Variants in LRP1B observed in about 807,000 individuals in gnomAD.
LRP1B encodes the protein LDL receptor related protein 1B, also known as low-density lipoprotein receptor-related protein 1B.
Under a neutral mutation model 556.6 loss-of-function variants are expected in LRP1B, and 217 were observed. That is an observed-to-expected ratio of 0.39 (90% CI 0.35 to 0.44). The LOEUF (loss-of-function observed/expected upper bound fraction) is 0.44, where lower values mean the gene tolerates loss of function less well. Ranked by LOEUF, LRP1B falls within the 20% of genes least tolerant of loss-of-function variation. The pLI, the probability that LRP1B is intolerant of heterozygous loss-of-function variation, is 1.00. For missense variants in LRP1B, 5,053 were observed against 5,620.8 expected, an observed-to-expected ratio of 0.90 and a Z score of 3.23; for synonymous variants, 2,047 against 1,865.8, an observed-to-expected ratio of 1.10 and a Z score of -2.50.
rs574241662 is a variant in LRP1B, at chr2:141,235,994, C to T, written c.593-6554G>A. Among the ~76,000 whole-genome samples the T allele has an allele frequency of 5.9e-5, 9 of 152,052 alleles. No individual in the cohort carries two copies. In the East Asian group the frequency reaches 1.4e-3, roughly 23 times the overall value. ...GAAGCCAGTGTTAATTTTAGAAATACAGTATAATGTGATCAAAACTATGCT... is the reference window on the plus strand; with the variant it reads ...GAAGCCAGTGTTAATTTTAGAAATATAGTATAATGTGATCAAAACTATGCT... On this transcript the variant is annotated intron_variant, in intron 5 of 90. Coordinates refer to ENST00000389484, the MANE Select transcript of LRP1B (RefSeq NM_018557.3).
chr2:141,366,051 G>A (rs1024935630), intron 3 of LRP1B, among the ~76,000 whole-genome samples: 1 of 152,152 alleles, frequency 6.6e-6, no homozygotes, highest in African/African-American at 2.4e-5. Context: ...ATTATTTTAA[G>A]TTGATGAATA....
intron 43 of LRP1B, among the ~76,000 whole-genome samples, chr2:140,569,375 T>G (rs1005878228): frequency 6.6e-6 from 1 of 151,838 alleles, no homozygotes; most frequent in Non-Finnish European, 1.5e-5. Flanking sequence ...AAAGAAGATA[T>G]TCCACGCAAA....
chr2:142,095,640 C>T (rs956989034), intron 1 of LRP1B, among the ~76,000 whole-genome samples: 1 of 151,716 alleles, frequency 6.6e-6, no homozygotes, highest in African/African-American at 2.4e-5. Context: ...CCAGTGGCTT[C>T]TAAGTTTATT....
intron 83 of LRP1B, among the ~76,000 whole-genome samples, chr2:140,298,384 C>G (rs539803467): frequency 6.6e-6 from 1 of 152,258 alleles, no homozygotes; most frequent in South Asian, 2.1e-4. Flanking sequence ...CAAACATCAT[C>G]TACCAACCAC....
chr2:140,429,780 C>T (rs547089122), intron 66 of LRP1B, among the ~76,000 whole-genome samples: 36 of 152,268 alleles, frequency 2.4e-4, no homozygotes, highest in African/African-American at 3.4e-4. Context: ...ATCATGTCTC[C>T]GTGCAGTGGC....
At chr2:140,487,385 T>G (rs1688512776) in intron 58 of LRP1B, among the ~76,000 whole-genome samples, 1 of 151,942 alleles carries the variant, frequency 6.6e-6, no homozygotes. Context: ...CCATATTTTA[T>G]TTACTCAATT....
Position 140,982,279 on chromosome 2 carries a change from A to G in LRP1B, c.2771-3T>C, listed in dbSNP as rs1223116615. The G allele has an allele frequency of 6.3e-7, 1 of 1,596,430 alleles. No homozygotes were observed. The highest frequency in any genetic ancestry group is 8.6e-7 in the Non-Finnish European group (1 of 1,164,886). The stretch of plus-strand genomic sequence containing the variant: ...CTGGTCTACCTGGCATGTTCTGGCT[A>G]TGATGATCAATTAATAAACAAAAAA... On this transcript the variant is annotated splice_polypyrimidine_tract_variant and splice_region_variant and intron_variant, in intron 17 of 90. Transcript: ENST00000389484.
chr2:140,560,951 G>A (rs986799119), intron 43 of LRP1B, among the ~76,000 whole-genome samples: 1 of 152,078 alleles, frequency 6.6e-6, no homozygotes, highest in Non-Finnish European at 1.5e-5. Flanking sequence ...AGATAAATGG[G>A]GATTTAGTGG....
intron 3 of LRP1B, among the ~76,000 whole-genome samples, chr2:141,435,561 C>T (rs1218603982): frequency 2.0e-5 from 3 of 152,194 alleles, no homozygotes; most frequent in Non-Finnish European, 4.4e-5. Context: ...TTATAACTTA[C>T]CTTTCCCCTC....
intron 41 of LRP1B, among the ~76,000 whole-genome samples, chr2:140,666,415 T>C (rs1393803678): frequency 2.0e-5 from 3 of 152,054 alleles, no homozygotes; most frequent in African/African-American, 7.2e-5. Context: ...AAGAAAATTT[T>C]AATAACCAGT....
intron 1 of LRP1B, among the ~76,000 whole-genome samples, chr2:141,994,598 G>A (rs533617990): frequency 2.0e-5 from 3 of 152,058 alleles, no homozygotes; most frequent in Non-Finnish European, 2.9e-5. Flanking sequence ...GGAAAGGAAT[G>A]GTGAGTGCAA....
At position 140,601,465 on chromosome 2, in the gene LRP1B, A is replaced by G; in HGVS notation, c.6974T>C (p.Leu2325Ser). 6.2e-7 allele frequency: 1 copy of G among 1,610,976 alleles called. No individual in the cohort carries two copies. Among genetic ancestry groups the G allele is most frequent in the Non-Finnish European group, 8.5e-7 (1 of 1,178,036 alleles). Residue 2325 changes from leucine to serine, a missense_variant, in exon 42 of 91, where the codon TTG (leucine) becomes TCG (serine). This residue lies in a region of LRP1B where 3,619 missense variants were observed against 3,931.9 expected (regional missense o/e 0.92). Transcript: ENST00000389484. ...TGTTTCTTACTTTTGACATTCATCCAAGGCTAGCACATGTGGATGGTCATC... is the reference window on the plus strand; with the variant it reads ...TGTTTCTTACTTTTGACATTCATCCGAGGCTAGCACATGTGGATGGTCATC... ...SEDDHPHVLA[L>S]DECQNLMFWT...
chr2:142,040,761 A>C (rs1559038279), intron 1 of LRP1B, among the ~76,000 whole-genome samples: 1 of 151,390 alleles, frequency 6.6e-6, no homozygotes, highest in Non-Finnish European at 1.5e-5. Context: ...TTTTCAAAGG[A>C]AATGGAAGAC....
At chr2:141,417,201 TA>T (rs1242160455) in intron 3 of LRP1B, among the ~76,000 whole-genome samples, 10 of 152,228 alleles carry the variant, frequency 6.6e-5, no homozygotes, top group Admixed American at 5.9e-4. Context: ...TTTGCCAATT[TA>T]AAAATGATCT....
chr2:140,246,142 G>A (rs2104896881), intron 87 of LRP1B, among the ~76,000 whole-genome samples: 1 of 151,336 alleles, frequency 6.6e-6, no homozygotes, highest in Non-Finnish European at 1.5e-5. Flanking sequence ...GTACAAAAAT[G>A]TTATATTTTA....
intron 35 of LRP1B, among the ~76,000 whole-genome samples, chr2:140,760,254 C>T (rs139865423): frequency 1.3e-5 from 2 of 152,270 alleles, no homozygotes; most frequent in East Asian, 3.9e-4. Context: ...GGTTTCTTGA[C>T]CTTAGCACTA....
chr2:141,901,781 CCA>C (rs1289513465), intron 1 of LRP1B, among the ~76,000 whole-genome samples: 1 of 151,714 alleles, frequency 6.6e-6, no homozygotes, highest in African/African-American at 2.4e-5. Flanking sequence ...GAAGTAGGCC[CCA>C]CTTCTACAGA....
At chr2:141,743,084 C>T (rs570825217) in intron 2 of LRP1B, among the ~76,000 whole-genome samples, 1 of 151,886 alleles carries the variant, frequency 6.6e-6, no homozygotes, top group African/African-American at 2.4e-5. Flanking sequence ...ACTGTGGATG[C>T]CCCTTATTTC....
chr2:141,448,442 T>G (rs1259709545), intron 3 of LRP1B, among the ~76,000 whole-genome samples: 1 of 152,190 alleles, frequency 6.6e-6, no homozygotes, highest in Non-Finnish European at 1.5e-5. Flanking sequence ...CTTGCTGGCA[T>G]TCCAGACAGC....
Sources: gnomAD v4.1 joint callset for allele counts (sites outside exome capture counted in the v4.1 genomes callset) on GRCh38, gnomAD v4.1.1 for gene constraint, gnomAD v4.1.1 regional missense constraint, MANE v1.5 for transcripts, NCBI Gene and HGNC (gene_info 2026-07-23, HGNC 2026-07-21) for gene names.